TMEM182: variants seen among roughly 807,000 people sequenced by gnomAD.
TMEM182 encodes the protein transmembrane protein 182.
Under a neutral mutation model 26.8 loss-of-function variants are expected in TMEM182, and 20 were observed. The observed-to-expected ratio is 0.75, with a 90% CI of 0.53 to 1.09. The LOEUF (loss-of-function observed/expected upper bound fraction) is 1.09. Among genes scored for constraint, TMEM182 ranks in the 50% least tolerant of loss-of-function variants. The pLI, the probability that TMEM182 is intolerant of heterozygous loss-of-function variation, is 0.00. For synonymous variants in TMEM182, 109 were observed against 102.2 expected (o/e 1.07, Z -0.40); for missense variants, 277 against 275.5 (o/e 1.01, Z -0.04).
chr2:102,834,226 C>T (rs200275924), intron 3 of TMEM182, among the ~76,000 whole-genome samples: 1 of 152,150 alleles, frequency 6.6e-6, no homozygotes, highest in African/African-American at 2.4e-5. Flanking sequence ...CCTACTTTGC[C>T]GTGGGCCTAA....
chr2:102,819,567 A>G (rs182075564), downstream of TMEM182, among the ~76,000 whole-genome samples: 5 of 152,314 alleles, frequency 3.3e-5, no homozygotes, highest in Admixed American at 2.0e-4. Flanking sequence ...ATAAAACTAT[A>G]TACATATGTC....
intron 1 of TMEM182, among the ~76,000 whole-genome samples, chr2:102,742,354 A>G (rs1466786148): frequency 3.3e-5 from 5 of 152,178 alleles, no homozygotes; most frequent in Admixed American, 3.3e-4. Context: ...AAAGAACATA[A>G]TAAAAATTCA....
intron 3 of TMEM182, among the ~76,000 whole-genome samples, chr2:102,841,086 A>T (rs1221579661): frequency 6.6e-6 from 1 of 152,066 alleles, no homozygotes; most frequent in Non-Finnish European, 1.5e-5. Flanking sequence ...TGGCATCAAG[A>T]GTGGCCTGTG....
chr2:102,804,759 A>T (rs888253671), intron 4 of TMEM182, among the ~76,000 whole-genome samples: 2 of 152,210 alleles, frequency 1.3e-5, no homozygotes, highest in Non-Finnish European at 2.9e-5. Context: ...AAAGTAGTTA[A>T]TATAAACTAT....
upstream of TMEM182, among the ~76,000 whole-genome samples, chr2:102,757,940 G>T (rs942333727): frequency 6.6e-6 from 1 of 152,092 alleles, no homozygotes; most frequent in African/African-American, 2.4e-5. Flanking sequence ...GATCTCATGA[G>T]AACTCACTCA....
chr2:102,758,828 C>T (rs1049097337), upstream of TMEM182, among the ~76,000 whole-genome samples: 2 of 152,166 alleles, frequency 1.3e-5, no homozygotes, highest in Non-Finnish European at 2.9e-5. Flanking sequence ...TAGATGAACA[C>T]ATATGAAAGG....
At chr2:102,789,032 T>C (rs1453074539) in intron 3 of TMEM182, among the ~76,000 whole-genome samples, 1 of 152,228 alleles carries the variant, frequency 6.6e-6, no homozygotes, top group African/African-American at 2.4e-5. Flanking sequence ...CCAGGCTTGC[T>C]GGCCTGCACA....
chr2:102,833,416 G>A (rs924138654), intron 3 of TMEM182, among the ~76,000 whole-genome samples: 2 of 152,068 alleles, frequency 1.3e-5, no homozygotes, highest in African/African-American at 2.4e-5. Context: ...GTCAAACATC[G>A]TGCTTATTTT....
intron 4 of TMEM182, among the ~76,000 whole-genome samples, chr2:102,812,505 G>A (rs1682592944): frequency 6.6e-6 from 1 of 151,900 alleles, no homozygotes; most frequent in South Asian, 2.1e-4. Context: ...TAGTGAACAA[G>A]TTAAAGACTA....
intron 1 of TMEM182, among the ~76,000 whole-genome samples, chr2:102,755,079 T>C (rs1024299169): frequency 6.6e-6 from 1 of 152,214 alleles, no homozygotes; most frequent in Non-Finnish European, 1.5e-5. Context: ...TTCACTGCAA[T>C]TTCTCTAAGT....
chr2:102,820,225 T>C (rs1480970574), downstream of TMEM182, among the ~76,000 whole-genome samples: 2 of 152,198 alleles, frequency 1.3e-5, no homozygotes, highest in Non-Finnish European at 2.9e-5. Flanking sequence ...AAGTCCTTGA[T>C]TTTAAACTTG....
chr2:102,767,481 C>T (rs553900106), intron 3 of TMEM182, among the ~76,000 whole-genome samples: 44 of 152,208 alleles, frequency 2.9e-4, no homozygotes, highest in African/African-American at 9.1e-4. Context: ...CATTTGGCAA[C>T]GATGTACTGA....
At chr2:102,762,894 G>A (rs1159662808) in intron 2 of TMEM182, among the ~76,000 whole-genome samples, 2 of 152,126 alleles carry the variant, frequency 1.3e-5, no homozygotes, top group African/African-American at 4.8e-5. Context: ...CATAAAACAG[G>A]AGTCTGAATA....
chr2:102,774,467 G>C, intron 3 of TMEM182, among the ~76,000 whole-genome samples: 1 of 150,554 alleles, frequency 6.6e-6, no homozygotes, highest in East Asian at 1.9e-4. Context: ...GTTTCACCGT[G>C]TGTTAGCCAG....
At chr2:102,841,219 C>G (rs542506644) in intron 3 of TMEM182, among the ~76,000 whole-genome samples, 2 of 152,276 alleles carry the variant, frequency 1.3e-5, no homozygotes, top group African/African-American at 4.8e-5. Flanking sequence ...GATCTGGGGC[C>G]AGGCTGGGAC....
intron 1 of TMEM182, among the ~76,000 whole-genome samples, chr2:102,742,969 A>C (rs1460409819): frequency 6.6e-6 from 1 of 152,298 alleles, no homozygotes; most frequent in East Asian, 1.9e-4. Context: ...ACTTGAAACT[A>C]CATAAATTAG....
intron 3 of TMEM182, among the ~76,000 whole-genome samples, chr2:102,782,347 C>A (rs1018342387): frequency 5.3e-5 from 8 of 151,678 alleles, no homozygotes; most frequent in Non-Finnish European, 1.2e-4. Context: ...TAAAAGAAAA[C>A]CCTACTAACA....
intron 3 of TMEM182, among the ~76,000 whole-genome samples, chr2:102,771,509 G>A (rs1198367441): frequency 6.6e-6 from 1 of 152,146 alleles, no homozygotes; most frequent in Non-Finnish European, 1.5e-5. Context: ...TTCAGAGAGT[G>A]CCATTTTGTG....
chr2:102,764,422 C>T lies in TMEM182; in HGVS notation c.326C>T (p.Ala109Val). The T allele has an allele frequency of 6.2e-7, 1 of 1,613,464 alleles. No homozygotes were observed. Among genetic ancestry groups the T allele is most frequent in the East Asian group, 2.2e-5 (1 of 44,878 alleles). ...CACAACTCGACCTCCTATGACTCTG[C>T]AGTTAGTAAGTACCCTCTGTCCTCA... is the stretch of plus-strand genomic sequence containing the variant. ...GEHNSTSYDS[A>V]VIYRGFWAVL... The change falls in exon 3 of 5, where the codon GCA (alanine) becomes GTA (valine). Residue 109 changes from alanine to valine, a missense_variant. Physicochemically the swap from Ala to Val is moderately conservative, Grantham distance 64. Coordinates refer to ENST00000412401, the MANE Select transcript of TMEM182 (RefSeq NM_144632.5).
Sources: allele counts gnomAD v4.1 joint callset (sites outside exome capture counted in the v4.1 genomes callset), GRCh38; gene constraint gnomAD v4.1.1; transcripts MANE v1.5; gene names NCBI Gene and HGNC (gene_info 2026-07-23, HGNC 2026-07-21).